PTCHD4: variants seen among roughly 807,000 people sequenced by gnomAD.
PTCHD4 encodes the protein patched domain containing 4.
Under a neutral mutation model 58.1 loss-of-function variants are expected in PTCHD4, and 33 were observed. That is an observed-to-expected ratio of 0.57 (90% CI 0.43 to 0.76). The LOEUF (loss-of-function observed/expected upper bound fraction) is 0.76, where lower values mean the gene tolerates loss of function less well. Ranked by LOEUF, PTCHD4 falls within the 30% of genes least tolerant of loss-of-function variation. The pLI, the probability that PTCHD4 is intolerant of heterozygous loss-of-function variation, is 0.00. For missense variants in PTCHD4, 1,058 were observed against 1,027.1 expected, an observed-to-expected ratio of 1.03 and a Z score of -0.41; for synonymous variants, 478 against 409.6, an observed-to-expected ratio of 1.17 and a Z score of -2.02.
chr6:48,100,989 A>C (rs1264340039), intron 1 of PTCHD4, among the ~76,000 whole-genome samples: 1 of 152,152 alleles, frequency 6.6e-6, no homozygotes, highest in East Asian at 1.9e-4. Context: ...AAAAGTAATC[A>C]AAATAAATAT....
chr6:48,068,755 C>T lies in PTCHD4; in HGVS notation c.6-114G>A. Reference sequence around the variant, plus strand: ...CCGCCGCCTCCCCACCCACTCCGCGCTCACCCCACAACCACTCCGCCTGGT... The same window carrying T: ...CCGCCGCCTCCCCACCCACTCCGCGTTCACCCCACAACCACTCCGCCTGGT... On this transcript the variant is annotated intron_variant, in intron 2 of 4. Transcript: ENST00000339488. This position sits in a 1 kb window ranked among gnomAD's most constrained non-coding sequence, Gnocchi z 4.2. 9.9e-7 allele frequency: 1 copy of T among 1,010,540 alleles called. No individual in the cohort carries two copies. The highest frequency in any genetic ancestry group is 1.4e-6 in the Non-Finnish European group (1 of 704,552). The allele number at this position is 1,010,540 out of a possible 1,614,324, so 62.6% of individuals were successfully genotyped here.
chr6:48,079,044 G>C (rs1369685277), intron 1 of PTCHD4, among the ~76,000 whole-genome samples: 1 of 151,648 alleles, frequency 6.6e-6, no homozygotes, highest in Non-Finnish European at 1.5e-5. Context: ...CGTGAACCCG[G>C]GAGGCGGAGC....
intron 1 of PTCHD4, among the ~76,000 whole-genome samples, chr6:48,094,897 A>G (rs1370714777): frequency 6.6e-6 from 1 of 152,210 alleles, no homozygotes; most frequent in Non-Finnish European, 1.5e-5. Flanking sequence ...ATGGCAAACC[A>G]AACAATAAGA....
At chr6:48,098,579 T>TCC (rs34154023) in intron 1 of PTCHD4, among the ~76,000 whole-genome samples, 1 of 152,168 alleles carries the variant, frequency 6.6e-6, no homozygotes, top group Non-Finnish European at 1.5e-5. Context: ...CCTCAACTGA[T>TCC]CCACTCACCT....
At chr6:47,910,584 G>A (rs546953972) in intron 4 of PTCHD4, among the ~76,000 whole-genome samples, 1 of 152,100 alleles carries the variant, frequency 6.6e-6, no homozygotes, top group South Asian at 2.1e-4. Context: ...TTTAGCTTTG[G>A]TTCTTTAAAT....
chr6:47,907,197 A>G (rs1159654253), intron 4 of PTCHD4, among the ~76,000 whole-genome samples: 1 of 152,180 alleles, frequency 6.6e-6, no homozygotes, highest in Non-Finnish European at 1.5e-5. Context: ...TTCTCAGTAG[A>G]AGACTGTTTG....
intron 1 of PTCHD4, among the ~76,000 whole-genome samples, chr6:48,109,496 A>G (rs145683969): frequency 7.2e-5 from 11 of 152,158 alleles, no homozygotes; most frequent in Admixed American, 2.0e-4. Flanking sequence ...GGCCTTGACA[A>G]TGAGTTTTTT....
chr6:48,017,909 T>G (rs1243273222), intron 3 of PTCHD4, among the ~76,000 whole-genome samples: 1 of 152,198 alleles, frequency 6.6e-6, no homozygotes, highest in Non-Finnish European at 1.5e-5. Flanking sequence ...AGTCCCAAAC[T>G]CAACACTGAC....
chr6:48,039,095 A>G (rs1763750836), intron 3 of PTCHD4, among the ~76,000 whole-genome samples: 1 of 152,184 alleles, frequency 6.6e-6, no homozygotes, highest in South Asian at 2.1e-4. Context: ...AGACAGGCAC[A>G]AAAATGTTTA....
At chr6:48,020,057 G>A (rs1467115900) in intron 3 of PTCHD4, among the ~76,000 whole-genome samples, 1 of 152,128 alleles carries the variant, frequency 6.6e-6, no homozygotes, top group Non-Finnish European at 1.5e-5. Context: ...GAGGGTAAGA[G>A]AAGAGTGATT....
intron 4 of PTCHD4, among the ~76,000 whole-genome samples, chr6:47,909,919 A>C (rs1305537088): frequency 6.6e-6 from 1 of 152,136 alleles, no homozygotes; most frequent in Non-Finnish European, 1.5e-5. Flanking sequence ...TCTAAAGTTT[A>C]TCTCTCCAAT....
intron 4 of PTCHD4, among the ~76,000 whole-genome samples, chr6:47,892,147 C>T (rs1457275557): frequency 6.6e-6 from 1 of 151,952 alleles, no homozygotes; most frequent in Non-Finnish European, 1.5e-5. Flanking sequence ...CCATGTGGAA[C>T]TAAAAATTCA....
chr6:47,983,357 A>G lies in PTCHD4; in HGVS notation c.898+25277T>C, dbSNP rs550648953. Among the ~76,000 whole-genome samples, 33 of 152,276 alleles carry G rather than the reference A, an allele frequency of 2.2e-4. No homozygotes were observed. The East Asian group carries it at 6.4e-3, about 29-fold the overall frequency. ...AATGTTGAATTTATGCAGGGTTCAA[A>G]CTATGTTTTTGAATTTCACAAGACA... is the stretch of plus-strand genomic sequence containing the variant. On this transcript the variant is annotated intron_variant, in intron 4 of 4. Coordinates refer to ENST00000339488, the MANE Select transcript of PTCHD4 (RefSeq NM_001384253.1).
intron 4 of PTCHD4, among the ~76,000 whole-genome samples, chr6:47,955,729 T>C (rs1322956941): frequency 6.6e-6 from 1 of 152,208 alleles, no homozygotes; most frequent in Non-Finnish European, 1.5e-5. Context: ...TTACTTGTGG[T>C]TACATACATG....
chr6:48,072,881 A>G (rs1175193137), intron 1 of PTCHD4, among the ~76,000 whole-genome samples: 1 of 152,090 alleles, frequency 6.6e-6, no homozygotes, highest in Non-Finnish European at 1.5e-5. Flanking sequence ...TTGTTTTTCT[A>G]TAACAAAAAT....
chr6:48,110,923 A>G (rs147567619), intron 1 of PTCHD4, among the ~76,000 whole-genome samples, 126 bp downstream of exon 1: 1 of 151,706 alleles, frequency 6.6e-6, no homozygotes, highest in African/African-American at 2.4e-5. Context: ...TTAAAATTAA[A>G]CCTTTAATAA....
chr6:47,983,297 T>C (rs1767951145), intron 4 of PTCHD4, among the ~76,000 whole-genome samples: 1 of 152,168 alleles, frequency 6.6e-6, no homozygotes, highest in South Asian at 2.1e-4. Context: ...TTAAAAAGTA[T>C]GATCTAAAAA....
chr6:48,075,091 T>C (rs990124671), intron 1 of PTCHD4, among the ~76,000 whole-genome samples: 1 of 152,178 alleles, frequency 6.6e-6, no homozygotes, highest in Non-Finnish European at 1.5e-5. Flanking sequence ...AAGGAGTCCA[T>C]GCAAGCATCT....
At chr6:47,989,425 G>C (rs551490276) in intron 4 of PTCHD4, among the ~76,000 whole-genome samples, 6 of 152,222 alleles carry the variant, frequency 3.9e-5, no homozygotes, top group Admixed American at 6.5e-5. Flanking sequence ...GCATGTCAGA[G>C]GTCTTCAACG....
Sources: allele counts gnomAD v4.1 joint callset (sites outside exome capture counted in the v4.1 genomes callset), GRCh38; gene constraint gnomAD v4.1.1; non-coding constraint Gnocchi (gnomAD v3.1); transcripts MANE v1.5; gene names NCBI Gene and HGNC (gene_info 2026-07-23, HGNC 2026-07-21).